Variants in C12orf42 observed in about 807,000 individuals in gnomAD.
C12orf42 encodes uncharacterized protein C12orf42.
Under a neutral mutation model 21.6 loss-of-function variants are expected in C12orf42, and 25 were observed. The observed-to-expected ratio is 1.16, with a 90% CI of 0.84 to 1.62. C12orf42 has a LOEUF of 1.62. Among genes scored for constraint, C12orf42 ranks in the 40% most tolerant of loss-of-function variants. C12orf42 has a pLI of 0.00. For missense variants in C12orf42, 483 were observed against 459.3 expected (o/e 1.05, Z -0.47); for synonymous variants, 174 against 175.0 (o/e 0.99, Z 0.05).
chr12:103,173,003 C>T, the C12orf42 span, among the ~76,000 whole-genome samples: 1 of 152,142 alleles, frequency 6.6e-6, no homozygotes, highest in Admixed American at 6.6e-5. Flanking sequence ...TGTGTGTCCA[C>T]TTCTCTCCAG....
chr12:103,410,346 C>A (rs1391268330), intron 2 of C12orf42, among the ~76,000 whole-genome samples: 2 of 152,210 alleles, frequency 1.3e-5, no homozygotes, highest in Non-Finnish European at 2.9e-5. Flanking sequence ...TCCATTTAAT[C>A]TCTATGCTTG....
the C12orf42 span, among the ~76,000 whole-genome samples, chr12:103,130,642 C>A: frequency 6.6e-6 from 1 of 152,038 alleles, no homozygotes; most frequent in African/African-American, 2.4e-5. Context: ...CAGGGTTTGG[C>A]AAAAGCAAGA....
the C12orf42 span, chr12:103,558,933 A>T: frequency 5.3e-5 from 8 of 152,336 alleles, no homozygotes; most frequent in African/African-American, 1.9e-4. Context: ...CAAGGAAGTA[A>T]ACAATGAGCT....
At chr12:103,074,170 T>TA in the C12orf42 span, among the ~76,000 whole-genome samples, 1,626 of 152,268 alleles carry the variant, frequency 0.011, 12 homozygotes, top group South Asian at 0.019. Context: ...AACTAAAAGT[T>TA]ATAGACCCAA....
chr12:103,258,394 G>A (rs891150459), intron 10 of C12orf42, among the ~76,000 whole-genome samples: 1 of 151,770 alleles, frequency 6.6e-6, no homozygotes, highest in Non-Finnish European at 1.5e-5. Flanking sequence ...TAATAATGAA[G>A]CATTCAATTT....
chr12:103,474,808 T>C (rs1953918090), intron 2 of C12orf42, among the ~76,000 whole-genome samples: 1 of 152,228 alleles, frequency 6.6e-6, no homozygotes, highest in South Asian at 2.1e-4. Flanking sequence ...CAGTGCTACA[T>C]GTTCATGGGT....
chr12:103,094,353 A>G, the C12orf42 span, among the ~76,000 whole-genome samples: 1 of 152,212 alleles, frequency 6.6e-6, no homozygotes, highest in African/African-American at 2.4e-5. Context: ...ATCAAAACCA[A>G]TCTTACCTCC....
In C12orf42 at chr12:103,446,323, A is replaced by G. The variant is rs567363553; in HGVS notation, c.78+32026T>C. Among the ~76,000 whole-genome samples the G allele has an allele frequency of 4.3e-4, 66 of 152,120 alleles. 2 individuals are homozygous for G. The South Asian group carries it at 0.012, about 29-fold the overall frequency. On this transcript the variant is annotated intron_variant, in intron 2 of 5. Transcript: ENST00000548883. ...AGACAAACAAATGCTGAGAGAATTC[A>G]CCAATAACAAACCAGCACTACAAAC...
the C12orf42 span, among the ~76,000 whole-genome samples, chr12:103,231,099 T>C: frequency 4.6e-5 from 7 of 152,224 alleles, no homozygotes; most frequent in Admixed American, 3.3e-4. Flanking sequence ...CCTTTAAAAA[T>C]TGATTCTTAA....
chr12:103,533,764 A>C, the C12orf42 span, among the ~76,000 whole-genome samples: 1 of 152,240 alleles, frequency 6.6e-6, no homozygotes, highest in Non-Finnish European at 1.5e-5. Context: ...ATCCACTGAA[A>C]ATAAATAACA....
At chr12:103,417,177 C>T (rs1358533325) in intron 2 of C12orf42, among the ~76,000 whole-genome samples, 1 of 152,148 alleles carries the variant, frequency 6.6e-6, no homozygotes, top group African/African-American at 2.4e-5. Context: ...CTCTGAAATA[C>T]AAACAATACT....
At chr12:103,220,233 G>A in the C12orf42 span, among the ~76,000 whole-genome samples, 1 of 152,062 alleles carries the variant, frequency 6.6e-6, no homozygotes, top group African/African-American at 2.4e-5. Context: ...ACACAGGGAG[G>A]GGAACATCTC....
chr12:103,409,156 C>A (rs1047341366), intron 2 of C12orf42, among the ~76,000 whole-genome samples: 1 of 152,176 alleles, frequency 6.6e-6, no homozygotes, highest in Non-Finnish European at 1.5e-5. Context: ...CTTTGAGGAA[C>A]AAAAGAAGCA....
the C12orf42 span, among the ~76,000 whole-genome samples, chr12:103,097,431 T>C: frequency 6.6e-6 from 1 of 152,356 alleles, no homozygotes; most frequent in Non-Finnish European, 1.5e-5. Context: ...AATTTCATCC[T>C]AGGCAACAGA....
intron 2 of C12orf42, among the ~76,000 whole-genome samples, chr12:103,428,582 C>A (rs532679863): frequency 6.6e-6 from 1 of 152,210 alleles, no homozygotes; most frequent in East Asian, 1.9e-4. Flanking sequence ...CTATTCCAAA[C>A]AACAGAAAAA....
intron 3 of C12orf42, among the ~76,000 whole-genome samples, chr12:103,385,730 C>T (rs1268882765): frequency 1.3e-5 from 2 of 152,120 alleles, no homozygotes; most frequent in Non-Finnish European, 2.9e-5. Flanking sequence ...AAAAGTTTTA[C>T]TTTGAAATTT....
the C12orf42 span, among the ~76,000 whole-genome samples, chr12:103,118,192 C>CA: frequency 5.9e-5 from 9 of 152,278 alleles, no homozygotes; most frequent in East Asian, 1.7e-3. Context: ...CACTTGACAG[C>CA]AAAAATCTGG....
chr12:103,162,506 GGT>G, the C12orf42 span, among the ~76,000 whole-genome samples: 39,067 of 147,310 alleles, frequency 0.27, 5,179 homozygotes, highest in East Asian at 0.43. Flanking sequence ...CCAACAAGCT[GGT>G]GTGTGTGTGT....
chr12:103,047,790 T>TG, the C12orf42 span, among the ~76,000 whole-genome samples: 2 of 152,110 alleles, frequency 1.3e-5, no homozygotes, highest in Non-Finnish European at 2.9e-5. Flanking sequence ...TCAGCTGGGG[T>TG]GGCTCATCTT....
Sources: allele counts gnomAD v4.1 joint callset (sites outside exome capture counted in the v4.1 genomes callset), GRCh38; gene constraint gnomAD v4.1.1; transcripts MANE v1.5; gene names NCBI Gene and HGNC (gene_info 2026-07-23, HGNC 2026-07-21).